Variants in LRMDA observed in about 807,000 individuals in gnomAD.
The protein encoded by LRMDA is leucine rich melanocyte differentiation associated.
A neutral mutation model predicts 29.8 loss-of-function variants in LRMDA; 18 were observed. The ratio of observed to expected loss-of-function variants is 0.60; its 90% CI spans 0.42 to 0.90. LRMDA has a LOEUF of 0.90. Ranked by LOEUF, LRMDA falls within the 40% of genes least tolerant of loss-of-function variation. The probability of loss-of-function intolerance (pLI) is 0.00; values close to 1 mark genes in which losing one functional copy is unlikely to be tolerated. For synonymous variants in LRMDA, 125 were observed against 109.4 expected, an observed-to-expected ratio of 1.14 and a Z score of -0.89; for missense variants, 273 against 273.9, an observed-to-expected ratio of 1.00 and a Z score of 0.02.
chr10:76,093,956 C>A (rs1179669649), intron 5 of LRMDA, among the ~76,000 whole-genome samples: 1 of 152,170 alleles, frequency 6.6e-6, no homozygotes, highest in Non-Finnish European at 1.5e-5. Flanking sequence ...TACCCCCTTA[C>A]CACGCTATCC....
chr10:75,664,664 T>C (rs1391406591), intron 2 of LRMDA, among the ~76,000 whole-genome samples: 1 of 151,968 alleles, frequency 6.6e-6, no homozygotes, highest in African/African-American at 2.4e-5. Context: ...TTGGAAAAGA[T>C]GGGAGAAGGA....
chr10:75,537,040 G>A (rs776517100), intron 2 of LRMDA, among the ~76,000 whole-genome samples: 1 of 152,126 alleles, frequency 6.6e-6, no homozygotes, highest in Non-Finnish European at 1.5e-5. Flanking sequence ...CAGATGCTCT[G>A]GTATTTCAGC....
intron 6 of LRMDA, among the ~76,000 whole-genome samples, chr10:76,430,223 C>T (rs1842177066): frequency 6.6e-6 from 1 of 152,150 alleles, no homozygotes; most frequent in Non-Finnish European, 1.5e-5. Context: ...TCAGAAGATA[C>T]TGAGGCTCCA....
intron 3 of LRMDA, among the ~76,000 whole-genome samples, chr10:76,039,961 T>C (rs1211905613): frequency 2.0e-5 from 3 of 152,234 alleles, no homozygotes; most frequent in Non-Finnish European, 4.4e-5. Context: ...GAGTTTAGAA[T>C]GGTTCTTTGA....
At chr10:76,395,987 G>T (rs541466671) in intron 6 of LRMDA, among the ~76,000 whole-genome samples, 52 of 152,302 alleles carry the variant, frequency 3.4e-4, no homozygotes, top group Admixed American at 5.9e-4. Context: ...GATACAAAAA[G>T]TTCCTTGTGA....
At chr10:76,504,767 G>T (rs1344564212) in intron 6 of LRMDA, among the ~76,000 whole-genome samples, 1 of 152,044 alleles carries the variant, frequency 6.6e-6, no homozygotes, top group Non-Finnish European at 1.5e-5. Context: ...GCCACTCTAT[G>T]CCTTTTAAGT....
At chr10:76,232,854 C>A (rs111681447) in intron 5 of LRMDA, among the ~76,000 whole-genome samples, 2 of 152,100 alleles carry the variant, frequency 1.3e-5, no homozygotes. Context: ...GGGCCTGGGG[C>A]CTTTTATGGA....
intron 5 of LRMDA, among the ~76,000 whole-genome samples, chr10:76,230,025 A>G (rs960636523): frequency 6.6e-6 from 1 of 152,048 alleles, no homozygotes; most frequent in African/African-American, 2.4e-5. Context: ...TTAGCGAGGC[A>G]GTGTAATAAC....
intron 2 of LRMDA, among the ~76,000 whole-genome samples, chr10:75,954,938 G>C (rs1846639652): frequency 6.6e-6 from 1 of 152,144 alleles, no homozygotes; most frequent in African/African-American, 2.4e-5. Context: ...ATGCACACAA[G>C]TGATAAAAGT....
intron 2 of LRMDA, among the ~76,000 whole-genome samples, chr10:75,904,775 G>A (rs1845731365): frequency 1.3e-5 from 2 of 152,190 alleles, no homozygotes; most frequent in Non-Finnish European, 2.9e-5. Flanking sequence ...TGACGAGAAA[G>A]CTATAGATTG....
chr10:76,214,228 A>G (rs917153181), intron 5 of LRMDA, among the ~76,000 whole-genome samples: 7 of 149,886 alleles, frequency 4.7e-5, no homozygotes, highest in African/African-American at 1.7e-4. Context: ...AAAATCCACT[A>G]TTTTCTCATC....
intron 5 of LRMDA, among the ~76,000 whole-genome samples, chr10:76,322,534 A>G (rs1447415902): frequency 2.6e-5 from 4 of 152,246 alleles, no homozygotes; most frequent in African/African-American, 9.6e-5. Flanking sequence ...CTCTACCTAC[A>G]GTACGAAACA....
intron 2 of LRMDA, among the ~76,000 whole-genome samples, chr10:75,619,183 G>A (rs1248005628): frequency 6.6e-6 from 1 of 152,142 alleles, no homozygotes; most frequent in African/African-American, 2.4e-5. Flanking sequence ...TGAGGAGAAG[G>A]AGGAGGAAGA....
At chr10:75,628,822 CA>C (rs1482508200) in intron 2 of LRMDA, among the ~76,000 whole-genome samples, 3 of 152,146 alleles carry the variant, frequency 2.0e-5, no homozygotes, top group Non-Finnish European at 4.4e-5. Context: ...CACTGGTTTC[CA>C]AAAGTCCACC....
intron 2 of LRMDA, among the ~76,000 whole-genome samples, chr10:75,663,321 T>C (rs1293623913): frequency 6.6e-6 from 1 of 152,170 alleles, no homozygotes; most frequent in Non-Finnish European, 1.5e-5. Context: ...TGTGAGACTT[T>C]CCTATAGGAA....
chr10:76,216,902 G>C (rs16933070), intron 5 of LRMDA, among the ~76,000 whole-genome samples: 2,044 of 152,262 alleles, frequency 0.013, 47 homozygotes, highest in African/African-American at 0.047. Flanking sequence ...ATGAATTGCT[G>C]TATGTATTTT....
At chr10:76,442,899 C>A (rs1842318126) in intron 6 of LRMDA, among the ~76,000 whole-genome samples, 2 of 152,074 alleles carry the variant, frequency 1.3e-5, no homozygotes, top group Non-Finnish European at 1.5e-5. Flanking sequence ...ATCATTCTTC[C>A]ATTTGTGTGA....
chr10:76,100,483 A>T (rs564524979), intron 5 of LRMDA, among the ~76,000 whole-genome samples: 2 of 152,280 alleles, frequency 1.3e-5, no homozygotes, highest in Admixed American at 1.3e-4. Flanking sequence ...CCCAGTGTGC[A>T]GGCAGGTCGG....
At chr10:76,083,272 A>G (rs2132081364) in intron 5 of LRMDA, among the ~76,000 whole-genome samples, 1 of 152,198 alleles carries the variant, frequency 6.6e-6, no homozygotes, top group African/African-American at 2.4e-5. Flanking sequence ...CCTCTGCCCT[A>G]ATCATCCCAG....
Sources: allele counts gnomAD v4.1 joint callset (sites outside exome capture counted in the v4.1 genomes callset), GRCh38; gene constraint gnomAD v4.1.1; transcripts MANE v1.5; gene names NCBI Gene and HGNC (gene_info 2026-07-23, HGNC 2026-07-21).